LPP: variants seen among roughly 807,000 people sequenced by gnomAD.
The protein encoded by LPP is lipoma-preferred partner.
Under a neutral mutation model 60.4 loss-of-function variants are expected in LPP, and 38 were observed. The ratio of observed to expected loss-of-function variants is 0.63; its 90% CI spans 0.49 to 0.83. LPP has a LOEUF of 0.83. Ranked by LOEUF, LPP falls within the 40% of genes least tolerant of loss-of-function variation. LPP has a pLI of 0.00. For synonymous variants in LPP, 328 were observed against 290.8 expected (o/e 1.13, Z -1.30); for missense variants, 902 against 783.6 (o/e 1.15, Z -1.80).
chr3:188,760,409 G>GGGTGTGTGTGT (rs1553836222), intron 9 of LPP, 127 bp downstream of exon 9: 11 of 602,710 alleles, frequency 1.8e-5, no homozygotes, highest in Middle Eastern at 3.8e-4. Context: ...GTGTGTGTGG[G>GGGTGTGTGTGT]GTGTGTGTGT....
chr3:188,707,789 G>A (rs1044709766), intron 7 of LPP, among the ~76,000 whole-genome samples: 77 of 152,162 alleles, frequency 5.1e-4, no homozygotes, highest in African/African-American at 1.9e-3. Flanking sequence ...AGCTGAATAA[G>A]GCCTAGCCTG....
chr3:188,271,891 TG>T (rs1225901611), intron 2 of LPP, among the ~76,000 whole-genome samples: 2 of 151,986 alleles, frequency 1.3e-5, no homozygotes, highest in African/African-American at 4.8e-5. Flanking sequence ...AAGGCCATAG[TG>T]GTTTAAGAGG....
intron 6 of LPP, among the ~76,000 whole-genome samples, chr3:188,595,893 GT>G (rs1839889042): frequency 7.9e-5 from 12 of 152,136 alleles, no homozygotes. Context: ...TGTGTATTCA[GT>G]TCTTGAGTGA....
intron 7 of LPP, among the ~76,000 whole-genome samples, chr3:188,649,047 C>T (rs1266315143): frequency 6.6e-6 from 1 of 152,162 alleles, no homozygotes; most frequent in Admixed American, 6.5e-5. Context: ...GTTATCTTGT[C>T]AAAGTGCTAT....
At chr3:188,647,050 C>A (rs1851231004) in intron 7 of LPP, among the ~76,000 whole-genome samples, 1 of 152,206 alleles carries the variant, frequency 6.6e-6, no homozygotes, top group Non-Finnish European at 1.5e-5. Context: ...AATAGGTATT[C>A]AACTAATATT....
At chr3:188,186,830 A>G (rs1726746601) in intron 1 of LPP, among the ~76,000 whole-genome samples, 1 of 152,112 alleles carries the variant, frequency 6.6e-6, no homozygotes, top group Admixed American at 6.5e-5. Flanking sequence ...AGATATGCCT[A>G]TTAAACTTTA....
At chr3:188,478,527 C>T (rs767941747) in intron 4 of LPP, among the ~76,000 whole-genome samples, 1 of 151,830 alleles carries the variant, frequency 6.6e-6, no homozygotes, top group Non-Finnish European at 1.5e-5. Context: ...AAGTTTCAGA[C>T]TTACTGTGTT....
intron 2 of LPP, among the ~76,000 whole-genome samples, chr3:188,295,569 A>G (rs1021403877): frequency 9.9e-5 from 15 of 152,084 alleles, no homozygotes; most frequent in African/African-American, 3.4e-4. Flanking sequence ...ACAGGGTCTC[A>G]CTCTGTAGCC....
At chr3:188,586,606 G>T (rs889212531) in intron 6 of LPP, among the ~76,000 whole-genome samples, 1 of 152,162 alleles carries the variant, frequency 6.6e-6, no homozygotes, top group African/African-American at 2.4e-5. Flanking sequence ...ACTAAAACAT[G>T]CTTAGAGAAA....
intron 4 of LPP, among the ~76,000 whole-genome samples, chr3:188,483,503 T>C (rs1244231755): frequency 6.6e-6 from 1 of 152,224 alleles, no homozygotes; most frequent in Non-Finnish European, 1.5e-5. Context: ...AAAAACATTA[T>C]TTTTAATAGG....
intron 4 of LPP, among the ~76,000 whole-genome samples, chr3:188,432,359 C>G (rs1791115620): frequency 2.0e-5 from 3 of 152,122 alleles, no homozygotes. Flanking sequence ...CGATAGCTAT[C>G]AAAAGGAGAG....
At chr3:188,264,223 A>G (rs891616094) in intron 2 of LPP, among the ~76,000 whole-genome samples, 3 of 151,996 alleles carry the variant, frequency 2.0e-5, no homozygotes, top group African/African-American at 7.2e-5. Context: ...TTACCTTCTA[A>G]TGAAGGCAAG....
At chr3:188,273,053 C>T (rs543082435) in intron 2 of LPP, among the ~76,000 whole-genome samples, 2 of 152,314 alleles carry the variant, frequency 1.3e-5, no homozygotes, top group South Asian at 4.2e-4. Context: ...AACAGAGACT[C>T]GTTCAGTGCT....
chr3:188,497,249 G>T (rs565210468), intron 5 of LPP, among the ~76,000 whole-genome samples: 2 of 152,088 alleles, frequency 1.3e-5, no homozygotes, highest in East Asian at 1.9e-4. Context: ...TGTGATTTGG[G>T]GTAGATCAAG....
chr3:188,501,858 A>C (rs1286711514), intron 5 of LPP, among the ~76,000 whole-genome samples: 1 of 152,096 alleles, frequency 6.6e-6, no homozygotes, highest in Non-Finnish European at 1.5e-5. Flanking sequence ...CAGAGGTTTC[A>C]GTGAGCTGAG....
At chr3:188,497,444 T>C (rs1222445469) in intron 5 of LPP, among the ~76,000 whole-genome samples, 1 of 152,218 alleles carries the variant, frequency 6.6e-6, no homozygotes, top group Non-Finnish European at 1.5e-5. Flanking sequence ...CCATTAGAAA[T>C]TATGTCATCC....
At chr3:188,844,488 A>G (rs903413335) in intron 9 of LPP, among the ~76,000 whole-genome samples, 1 of 152,266 alleles carries the variant, frequency 6.6e-6, no homozygotes, top group Admixed American at 6.5e-5. Context: ...ATCTGTCCCT[A>G]GCATGAAAAA....
At chr3:188,488,134 T>C (rs1284259453) in intron 5 of LPP, among the ~76,000 whole-genome samples, 2 of 152,034 alleles carry the variant, frequency 1.3e-5, no homozygotes, top group Non-Finnish European at 2.9e-5. Context: ...GCCTTGACCT[T>C]CTTCCTGCTG....
chr3:188,602,153 A>ATAATATATATATTATATATATAAT (rs1553939317), intron 6 of LPP, among the ~76,000 whole-genome samples: 3 of 126,354 alleles, frequency 2.4e-5, no homozygotes, highest in African/African-American at 8.4e-5. Context: ...ATATATATAT[A>ATAATATATATATTATATATATAAT]ATATATATAT....
Sources: gnomAD v4.1 joint callset for allele counts (sites outside exome capture counted in the v4.1 genomes callset) on GRCh38, gnomAD v4.1.1 for gene constraint, MANE v1.5 for transcripts, NCBI Gene and HGNC (gene_info 2026-07-23, HGNC 2026-07-21) for gene names.